Variants in SLC14A2 observed in about 807,000 individuals in gnomAD.
SLC14A2 encodes the protein solute carrier family 14 member 2.
SLC14A2 carries 91 observed loss-of-function variants against 104.6 expected under a neutral mutation model. The ratio of observed to expected loss-of-function variants is 0.87; its 90% CI spans 0.73 to 1.04. SLC14A2 has a LOEUF of 1.04. Among genes scored for constraint, SLC14A2 ranks in the 50% least tolerant of loss-of-function variants. The pLI is 0.00. For missense variants in SLC14A2, 1,189 were observed against 1,156.0 expected (o/e 1.03, Z -0.41); for synonymous variants, 476 against 466.4 (o/e 1.02, Z -0.27).
At chr18:45,237,013 T>G (rs1009265774) in intron 1 of SLC14A2, among the ~76,000 whole-genome samples, 4 of 152,114 alleles carry the variant, frequency 2.6e-5, no homozygotes, top group Non-Finnish European at 5.9e-5. Flanking sequence ...GTGTAACCAC[T>G]GACAACTGTA....
chr18:45,667,191 G>A, intron 13 of SLC14A2, 97 bp downstream of exon 13: 1 of 911,644 alleles, frequency 1.1e-6, no homozygotes. Context: ...CTATAGACTA[G>A]ACTTAGACTA....
chr18:45,252,415 G>GTTTGCTT (rs1014051439), intron 1 of SLC14A2, among the ~76,000 whole-genome samples: 2 of 152,126 alleles, frequency 1.3e-5, no homozygotes, highest in Non-Finnish European at 1.5e-5. Flanking sequence ...GTTCCCCAGT[G>GTTTGCTT]TTTGCTTTGT....
At chr18:45,433,562 G>T (rs1228233516) in intron 1 of SLC14A2, among the ~76,000 whole-genome samples, 2 of 152,136 alleles carry the variant, frequency 1.3e-5, no homozygotes, top group African/African-American at 4.8e-5. Flanking sequence ...TCTCCGCCTT[G>T]TACCTGCTAC....
intron 2 of SLC14A2, among the ~76,000 whole-genome samples, chr18:45,580,909 G>T (rs956347307): frequency 1.3e-5 from 2 of 152,154 alleles, no homozygotes; most frequent in Admixed American, 1.3e-4. Context: ...GCTAGAGACA[G>T]ATTGAAGGCA....
At chr18:45,198,936 C>A in the SLC14A2 span, among the ~76,000 whole-genome samples, 2 of 152,038 alleles carry the variant, frequency 1.3e-5, no homozygotes, top group Admixed American at 1.3e-4. Flanking sequence ...TCTTTGTGCA[C>A]CAATTTTCTT....
At chr18:45,169,422 C>G in the SLC14A2 span, among the ~76,000 whole-genome samples, 1 of 152,304 alleles carries the variant, frequency 6.6e-6, no homozygotes, top group South Asian at 2.1e-4. Context: ...CTGACACTGC[C>G]AGCTCTTACT....
intron 2 of SLC14A2, among the ~76,000 whole-genome samples, chr18:45,522,345 G>T (rs1217629710): frequency 1.3e-5 from 2 of 152,188 alleles, no homozygotes; most frequent in South Asian, 2.1e-4. Context: ...TGTCCAGCTT[G>T]CAGTAATAAA....
intron 1 of SLC14A2, among the ~76,000 whole-genome samples, chr18:45,302,716 T>C: frequency 6.6e-6 from 1 of 152,224 alleles, no homozygotes. Flanking sequence ...ATGCCTGGTG[T>C]ACAGCAATGC....
At chr18:45,434,735 A>T (rs187464967) in intron 1 of SLC14A2, among the ~76,000 whole-genome samples, 24 of 152,320 alleles carry the variant, frequency 1.6e-4, no homozygotes, top group African/African-American at 5.8e-4. Flanking sequence ...GCACTTTTTA[A>T]ACTGCAATTG....
intron 1 of SLC14A2, among the ~76,000 whole-genome samples, chr18:45,373,303 C>T (rs1358108575): frequency 6.6e-6 from 1 of 152,182 alleles, no homozygotes; most frequent in Non-Finnish European, 1.5e-5. Flanking sequence ...GCTCCAGGCT[C>T]TCTCTCTAGC....
chr18:45,615,458 T>A (rs536676644), upstream of SLC14A2: 1 of 152,258 alleles, frequency 6.6e-6, no homozygotes, highest in South Asian at 2.1e-4. Context: ...TTATAAGTGT[T>A]TGGCAAGTTC....
intron 4 of SLC14A2, among the ~76,000 whole-genome samples, chr18:45,628,158 G>C (rs576941357): frequency 6.5e-4 from 99 of 152,210 alleles, no homozygotes; most frequent in Non-Finnish European, 1.1e-3. Flanking sequence ...TTAAGAAATA[G>C]TTTCAGGCTG....
intron 1 of SLC14A2, among the ~76,000 whole-genome samples, chr18:45,321,527 C>T (rs551315054): frequency 2.0e-5 from 3 of 152,186 alleles, no homozygotes; most frequent in Non-Finnish European, 4.4e-5. Flanking sequence ...TCCCTCTAGG[C>T]TGTTCTGGAG....
intron 2 of SLC14A2, among the ~76,000 whole-genome samples, chr18:45,505,436 G>A (rs568274641): frequency 6.6e-6 from 1 of 152,292 alleles, no homozygotes; most frequent in East Asian, 1.9e-4. Context: ...CGGAGTGGGT[G>A]AGGAGCCCAC....
At chr18:45,313,007 A>G (rs1040855900) in intron 1 of SLC14A2, among the ~76,000 whole-genome samples, 16 of 152,210 alleles carry the variant, frequency 1.1e-4, no homozygotes, top group Admixed American at 5.2e-4. Flanking sequence ...CCACACGCCC[A>G]GGGTTGGTGC....
At position 45,237,811 on chromosome 18, in the gene SLC14A2, A is replaced by G. The variant is rs76640598; in HGVS notation, c.-125+24620A>G. Reference sequence around the variant, plus strand: ...AAGACCAGGGGCACCTTAAGGTTTCAGCAGAGTCTGCAGGGCCCCTGGGAG... The same window carrying G: ...AAGACCAGGGGCACCTTAAGGTTTCGGCAGAGTCTGCAGGGCCCCTGGGAG... On this transcript the variant is annotated intron_variant, in intron 1 of 20. Transcript: ENST00000586448. Among the ~76,000 whole-genome samples the G allele has an allele frequency of 3.2e-3, 485 of 152,302 alleles. 1 individual carries two copies. The highest frequency in any genetic ancestry group is 3.9e-3 in the Non-Finnish European group (267 of 68,024).
At chr18:45,537,193 C>A (rs1013939330) in intron 2 of SLC14A2, among the ~76,000 whole-genome samples, 1 of 151,812 alleles carries the variant, frequency 6.6e-6, no homozygotes, top group Non-Finnish European at 1.5e-5. Context: ...AAAGCAACAA[C>A]AACAAAATAC....
Position 45,229,402 on chromosome 18 carries a change from T to TTTTGTTTGTTTG in SLC14A2, c.-125+16231_-125+16242dup, listed in dbSNP as rs146538293. On this transcript the variant is annotated intron_variant, in intron 1 of 20. Transcript: ENST00000586448. ...AAGACAGCAATGATCCCCGTAGGTT[T>TTTTGTTTGTTTG]TTTGTTTGTTTGTTTGTTTGTTTGT... Among the ~76,000 whole-genome samples, 259 of 151,682 alleles carry TTTTGTTTGTTTG rather than the reference T, an allele frequency of 1.7e-3. 2 individuals are homozygous for TTTTGTTTGTTTG. Among genetic ancestry groups the TTTTGTTTGTTTG allele is most frequent in the African/African-American group, 6.1e-3 (252 of 41,228 alleles).
chr18:45,539,876 GA>G (rs200649863), intron 2 of SLC14A2, among the ~76,000 whole-genome samples: 22 of 120,440 alleles, frequency 1.8e-4, no homozygotes, highest in East Asian at 1.2e-3. Flanking sequence ...ATGACAGAAA[GA>G]AAAAAAATGA....
Sources: gnomAD v4.1 joint callset for allele counts (sites outside exome capture counted in the v4.1 genomes callset) on GRCh38, gnomAD v4.1.1 for gene constraint, MANE v1.5 for transcripts, NCBI Gene and HGNC (gene_info 2026-07-23, HGNC 2026-07-21) for gene names.